The following PHKG1 variants were observed in gnomAD, a reference collection of about 807,000 sequenced individuals.
The protein encoded by PHKG1 is phosphorylase kinase catalytic subunit gamma 1.
PHKG1 carries 48 observed loss-of-function variants against 50.5 expected under a neutral mutation model. The ratio of observed to expected loss-of-function variants is 0.95; its 90% CI spans 0.75 to 1.21. The LOEUF is 1.21. Among genes scored for constraint, PHKG1 ranks in the 50% most tolerant of loss-of-function variants. The pLI is 0.00. For missense variants in PHKG1, 487 were observed against 519.5 expected, an observed-to-expected ratio of 0.94 and a Z score of 0.61; for synonymous variants, 204 against 212.8, an observed-to-expected ratio of 0.96 and a Z score of 0.36.
chr7:56,086,866 C>T (rs1373610134), intron 4 of PHKG1, 104 bp downstream of exon 4: 5 of 874,110 alleles, frequency 5.7e-6, no homozygotes, highest in African/African-American at 4.9e-5. Flanking sequence ...TTGGCATCCT[C>T]AGCGCAGGAG....
Position 56,080,624 on chromosome 7 carries a change from A to T in PHKG1, c.*430T>A, listed in dbSNP as rs1195041422. 4 of 209,944 alleles carry T rather than the reference A, an allele frequency of 1.9e-5. No homozygotes were observed. In the East Asian group the frequency reaches 5.0e-4, roughly 26 times the overall value. 13.0% of individuals were successfully genotyped at this position (209,944 alleles called of 1,614,324 possible). On this transcript the variant is annotated 3_prime_UTR_variant, in exon 10 of 10. Transcript: ENST00000297373. ...GAGAGTAGCCTGCTCCCACACTGTC[A>T]CTGGATGTCATGGGGCCAATAAAAT...
chr7:56,089,263 G>C (rs1433135137), intron 1 of PHKG1, among the ~76,000 whole-genome samples: 1 of 151,906 alleles, frequency 6.6e-6, no homozygotes, highest in African/African-American at 2.4e-5. Context: ...AGCCGGATGT[G>C]GTGGCACACG....
At position 56,080,652 on chromosome 7, in the gene PHKG1, C is replaced by T. The variant is rs1330280499; in HGVS notation, c.*402G>A. 8.9e-6 allele frequency: 2 copies of T among 225,384 alleles called. No individual in the cohort carries two copies. The highest frequency in any genetic ancestry group is 4.6e-5 in the African/African-American group (2 of 43,594). The allele number at this position is 225,384 out of a possible 1,614,324, so 14.0% of individuals were successfully genotyped here. On this transcript the variant is annotated 3_prime_UTR_variant, in exon 10 of 10. Transcript: ENST00000297373. ...GGATGTCATGGGGCCAATAAAATCT[C>T]CTGCAATTGTGTATCTCAGACATTT...
chr7:56,081,399 G>C lies in PHKG1; in HGVS notation c.919-100C>G. The C allele has an allele frequency of 6.9e-7, 1 of 1,441,986 alleles. No individual in the cohort carries two copies. Among genetic ancestry groups the C allele is most frequent in the Non-Finnish European group, 9.2e-7 (1 of 1,081,380 alleles). 89.3% of individuals were successfully genotyped at this position (1,441,986 alleles called of 1,614,324 possible). ...CTGGGCTCGTTTGCCACGAAGCCTTGGGTGGCTTCTGCGGGGCCTTCCTAG... is the reference window on the plus strand; with the variant it reads ...CTGGGCTCGTTTGCCACGAAGCCTTCGGTGGCTTCTGCGGGGCCTTCCTAG... On this transcript the variant is annotated intron_variant, in intron 9 of 9. Coordinates refer to ENST00000297373, the MANE Select transcript of PHKG1 (RefSeq NM_006213.5). This position sits in a 1 kb window ranked among gnomAD's most constrained non-coding sequence, Gnocchi z 4.6.
At chr7:56,092,564 C>T (rs1387581392) in intron 1 of PHKG1, among the ~76,000 whole-genome samples, 3 of 152,280 alleles carry the variant, frequency 2.0e-5, no homozygotes, top group South Asian at 2.1e-4. Context: ...TGAGCCATCG[C>T]GCCTGCCTGG....
intron 4 of PHKG1, chr7:56,086,744 A>T: frequency 1.8e-6 from 1 of 563,616 alleles, no homozygotes; most frequent in Non-Finnish European, 3.2e-6. Flanking sequence ...CATAATACTG[A>T]TGAGAAAACC....
In PHKG1 at chr7:56,081,306, G is replaced by A; in HGVS notation, c.919-7C>T. The A allele has an allele frequency of 6.2e-7, 1 of 1,602,906 alleles. No individual in the cohort carries two copies. The highest frequency in any genetic ancestry group is 1.1e-5 in the South Asian group (1 of 90,784). ...GCACGGTCAGAGCGATCACCTGCAG[G>A]GCCAGGCGGAGAAGCTGGGCTGCAG... On this transcript the variant is annotated splice_polypyrimidine_tract_variant and splice_region_variant and intron_variant, in intron 9 of 9. Transcript: ENST00000297373. This position sits in a 1 kb window ranked among gnomAD's most constrained non-coding sequence, Gnocchi z 4.6.
intron 4 of PHKG1, among the ~76,000 whole-genome samples, chr7:56,086,377 A>T (rs1225839246): frequency 6.6e-6 from 1 of 152,006 alleles, no homozygotes; most frequent in African/African-American, 2.4e-5. Context: ...TAGAACAATT[A>T]TATCACTATA....
rs925015752 is a variant in PHKG1, at chr7:56,080,829, C to T, written c.*225G>A. 4 of 583,750 alleles carry T rather than the reference C, an allele frequency of 6.9e-6. No homozygotes were observed. Among genetic ancestry groups the T allele is most frequent in the African/African-American group, 1.9e-5 (1 of 53,538 alleles). 36.2% of individuals were successfully genotyped at this position (583,750 alleles called of 1,614,324 possible). On this transcript the variant is annotated 3_prime_UTR_variant, in exon 10 of 10. Coordinates refer to ENST00000297373, the MANE Select transcript of PHKG1 (RefSeq NM_006213.5). ...TTCTCAGGCCACGTGTGATCTCTGC[C>T]CACCCAGGGCCTGCCCCAGCCTGCA... is the stretch of plus-strand genomic sequence containing the variant.
chr7:56,083,796 A>G (rs2242508), intron 4 of PHKG1, 81 bp from the exon 5 acceptor site: 415,364 of 946,328 alleles, frequency 0.44, 93,251 homozygotes, highest in African/African-American at 0.67. Flanking sequence ...GCTGCCTTCC[A>G]CCCTGATACC....
intron 4 of PHKG1, 149 bp from the exon 5 acceptor site, chr7:56,083,864 G>A (rs1796138357): frequency 1.5e-6 from 1 of 659,110 alleles, no homozygotes; most frequent in East Asian, 2.7e-5. Context: ...AGAGGAGCCG[G>A]GGAAGTGAGA....
At chr7:56,085,150 G>A (rs976222253) in intron 4 of PHKG1, among the ~76,000 whole-genome samples, 2 of 151,802 alleles carry the variant, frequency 1.3e-5, no homozygotes, top group Non-Finnish European at 2.9e-5. Context: ...TTGTAGAGAT[G>A]GGGTTTTGCC....
chr7:56,090,386 G>C (rs1796451511), intron 1 of PHKG1, among the ~76,000 whole-genome samples: 1 of 152,086 alleles, frequency 6.6e-6, no homozygotes. Flanking sequence ...AAAGTGCTGG[G>C]ATTACAGGCA....
In PHKG1 at chr7:56,083,422, G is replaced by A; in HGVS notation, c.403C>T (p.Leu135=). 1 of 1,614,192 alleles carries A rather than the reference G, an allele frequency of 6.2e-7. No individual in the cohort carries two copies. Among genetic ancestry groups the A allele is most frequent in the South Asian group, 1.1e-5 (1 of 91,090 alleles). The change falls in exon 6 of 10, where the codon CTG becomes TTG. Residue 135 remains leucine (L), a synonymous_variant. Transcript: ENST00000297373. ...TTGTGCAAGGTGCAGATCACCTCCA[G>A]CAGAGCTCGCATGATCTTTCTAGGG... ...KETRKIMRAL[L]EVICTLHKLN...
At chr7:56,092,528 C>T (rs1469063221) in intron 1 of PHKG1, among the ~76,000 whole-genome samples, 2 of 152,212 alleles carry the variant, frequency 1.3e-5, no homozygotes, top group Non-Finnish European at 2.9e-5. Context: ...CCACCTTGGC[C>T]TCCCAAAGTG....
chr7:56,084,387 T>A (rs1796161451), intron 4 of PHKG1: 1 of 573,712 alleles, frequency 1.7e-6, no homozygotes, highest in Admixed American at 3.2e-5. Flanking sequence ...TTTTTTTTTT[T>A]TTTTGAGATG....
chr7:56,081,069 G>A lies in PHKG1; in HGVS notation c.1149C>T (p.Ala383=), dbSNP rs142250443. ...GGCCAGCCCCTCAGTAGTCCTCCTC[G>A]GCCAGGGAGAGGAGCACGGCCTTGG... ...NTPKAVLLSL[A]EEDY Residue 383 remains alanine, a synonymous_variant, in exon 10 of 10, where the codon GCC becomes GCT. Transcript: ENST00000297373. This position sits in a 1 kb window ranked among gnomAD's most constrained non-coding sequence, Gnocchi z 4.6. 8 of 1,612,264 alleles carry A rather than the reference G, an allele frequency of 5.0e-6. No homozygotes were observed. Among genetic ancestry groups the A allele is most frequent in the South Asian group, 2.2e-5 (2 of 91,020 alleles).
intron 1 of PHKG1, among the ~76,000 whole-genome samples, chr7:56,089,256 C>T (rs988608733): frequency 9.9e-5 from 15 of 151,924 alleles, no homozygotes; most frequent in East Asian, 3.9e-4. Flanking sequence ...AAAAATTAGC[C>T]GGATGTGGTG....
rs1259636855 is a variant in PHKG1 at position 56,087,768 on chromosome 7, C to G, written c.92G>C (p.Ser31Thr). ...GTGGATGCATCGCCTGACCACACTG[C>G]TAACGCCCCTGGGAGTGCAGAGGAC... Reference protein sequence around the residue: ...EPKEILGRGVSSVVRRCIHKP... With the variant: ...EPKEILGRGVTSVVRRCIHKP... Residue 31 changes from serine to threonine, a missense_variant, in exon 3 of 10, where the codon AGC becomes ACC. By Grantham distance (58) the Ser-to-Thr change is moderately conservative. Coordinates refer to ENST00000297373, the MANE Select transcript of PHKG1 (RefSeq NM_006213.5). The G allele has an allele frequency of 1.9e-6, 3 of 1,611,238 alleles. No individual in the cohort carries two copies. The highest frequency in any genetic ancestry group is 2.5e-6 in the Non-Finnish European group (3 of 1,179,634).
Sources: allele counts gnomAD v4.1 joint callset (sites outside exome capture counted in the v4.1 genomes callset), GRCh38; gene constraint gnomAD v4.1.1; non-coding constraint Gnocchi (gnomAD v3.1); transcripts MANE v1.5; gene names NCBI Gene and HGNC (gene_info 2026-07-23, HGNC 2026-07-21).